FAT1: variants seen among roughly 807,000 people sequenced by gnomAD.
FAT1 encodes protocadherin Fat 1.
FAT1 carries 171 observed loss-of-function variants against 329.8 expected under a neutral mutation model. The ratio of observed to expected loss-of-function variants is 0.52; its 90% CI spans 0.46 to 0.59. The LOEUF is 0.59. Among genes scored for constraint, FAT1 ranks in the 20% least tolerant of loss-of-function variants. The pLI, the probability that FAT1 is intolerant of heterozygous loss-of-function variation, is 0.00. For synonymous variants in FAT1, 2,233 were observed against 2,228.6 expected (o/e 1.00, Z -0.06); for missense variants, 5,672 against 5,774.4 (o/e 0.98, Z 0.57).
intron 2 of FAT1, among the ~76,000 whole-genome samples, chr4:186,696,599 A>G (rs1470550948): frequency 6.6e-6 from 1 of 152,244 alleles, no homozygotes; most frequent in African/African-American, 2.4e-5. Flanking sequence ...TAAAGAGGCA[A>G]GTAAAAAAAT....
intron 2 of FAT1, among the ~76,000 whole-genome samples, chr4:186,701,059 C>G (rs553703978): frequency 1.2e-4 from 19 of 152,342 alleles, no homozygotes; most frequent in African/African-American, 3.8e-4. Flanking sequence ...CCCCCGAGTT[C>G]CCATCCACAG....
In FAT1 at chr4:186,606,217, T is replaced by A. The variant is rs773762406; in HGVS notation, c.10207-4A>T. ...CCGTGAGCGTGTAACCTGAAATCTT[T>A]TCAGGCAAAAGACAGAATGCACGTT... On this transcript the variant is annotated splice_region_variant and splice_polypyrimidine_tract_variant and intron_variant, in intron 16 of 26. Coordinates refer to ENST00000441802, the MANE Select transcript of FAT1 (RefSeq NM_005245.4). 8 of 1,612,780 alleles carry A rather than the reference T, an allele frequency of 5.0e-6. No individual in the cohort carries two copies. The highest frequency in any genetic ancestry group is 6.8e-6 in the Non-Finnish European group (8 of 1,179,614).
rs1263340609 is a variant in FAT1, at chr4:186,620,278, A to G, written c.6308T>C (p.Val2103Ala). 6.2e-7 allele frequency: 1 copy of G among 1,614,032 alleles called. No homozygotes were observed. Among genetic ancestry groups the G allele is most frequent in the East Asian group, 2.2e-5 (1 of 44,880 alleles). Residue 2103 changes from valine (V) to alanine (A), a missense_variant, in exon 10 of 27, where the codon GTC (valine) becomes GCC (alanine). Transcript: ENST00000441802. ...DTEVGHVIRYVTAVDRDSGRN... is the reference protein window; with the variant it reads ...DTEVGHVIRYATAVDRDSGRN... ...GCCACTGTCTCTGTCTACAGCAGTGACATAGCGAATGACATGGCCCACCTC... is the reference window on the plus strand; with the variant it reads ...GCCACTGTCTCTGTCTACAGCAGTGGCATAGCGAATGACATGGCCCACCTC...
chr4:186,617,856 A>G lies in FAT1; in HGVS notation c.8730T>C (p.Asp2910=). 3 of 1,613,952 alleles carry G rather than the reference A, an allele frequency of 1.9e-6. No homozygotes were observed. The highest frequency in any genetic ancestry group is 1.1e-5 in the South Asian group (1 of 91,074). Residue 2910 remains aspartate (D), a synonymous_variant, in exon 10 of 27, where the codon GAT becomes GAC. Transcript: ENST00000441802. ...STAIVDVTVT[D]VNDSPPRFTA... ...TGAATCGTGGTGGACTATCGTTGACATCGGTGACGGTAACATCCACAATGG... is the reference window on the plus strand; with the variant it reads ...TGAATCGTGGTGGACTATCGTTGACGTCGGTGACGGTAACATCCACAATGG...
chr4:186,629,366 T>C (rs1410388034), intron 7 of FAT1, among the ~76,000 whole-genome samples: 1 of 152,166 alleles, frequency 6.6e-6, no homozygotes, highest in African/African-American at 2.4e-5. Flanking sequence ...ATTTAGTCAA[T>C]AGATTGAAAA....
chr4:186,615,986 C>T (rs139912217), intron 11 of FAT1, among the ~76,000 whole-genome samples: 1 of 152,174 alleles, frequency 6.6e-6, no homozygotes, highest in African/African-American at 2.4e-5. Context: ...TCAGACTCCT[C>T]TTTGCCACGG....
rs1744707563 is a variant in FAT1 at position 186,707,754 on chromosome 4, T to C, written c.2074A>G (p.Lys692Glu). 1 of 1,613,610 alleles carries C rather than the reference T, an allele frequency of 6.2e-7. No homozygotes were observed. Among genetic ancestry groups the C allele is most frequent in the African/African-American group, 1.3e-5 (1 of 74,900 alleles). ...TCCACCTCTCCCTGGTTGTGTAATT[T>C]ATTTGCCTGCAGGAGCTTCTCTGCC... ...MLAEKLLQAN[K>E]LHNQGEVEDI... The change falls in exon 2 of 27, where the codon AAA becomes GAA. Residue 692 changes from lysine (K) to glutamate (E), a missense_variant. Lys to Glu is a moderately conservative substitution (Grantham distance 56). Coordinates refer to ENST00000441802, the MANE Select transcript of FAT1 (RefSeq NM_005245.4).
Position 186,609,277 on chromosome 4 carries a change from T to C in FAT1, c.10112A>G (p.His3371Arg), listed in dbSNP as rs1478513899. 1.2e-6 allele frequency: 2 copies of C among 1,613,922 alleles called. No homozygotes were observed. Among genetic ancestry groups the C allele is most frequent in the African/African-American group, 1.3e-5 (1 of 74,938 alleles). Residue 3371 changes from histidine (H) to arginine (R), a missense_variant, in exon 16 of 27, where the codon CAC becomes CGC. Physicochemically the swap from His to Arg is conservative, Grantham distance 29 (BLOSUM62 0). Around this residue, in one of 2 missense-constraint regions of FAT1, gnomAD observed 1,706 missense variants for 1,859.1 expected, o/e 0.92. Transcript: ENST00000441802. Reference sequence around the variant, plus strand: ...TTGGTTGCCATCTATAATTGAGTAGTGGATGTGGCTGTTGGAAGGTCCATC... The same window carrying C: ...TTGGTTGCCATCTATAATTGAGTAGCGGATGTGGCTGTTGGAAGGTCCATC... ...DADGPSNSHI[H>R]YSIIDGNQGS...
chr4:186,628,430 T>C, intron 8 of FAT1, 58 bp downstream of exon 8: 3 of 1,610,678 alleles, frequency 1.9e-6, no homozygotes, highest in Non-Finnish European at 2.5e-6. Context: ...AAAATCACGC[T>C]CGAACACACA....
chr4:186,649,968 T>C (rs1158089943), intron 3 of FAT1, among the ~76,000 whole-genome samples: 1 of 152,234 alleles, frequency 6.6e-6, no homozygotes, highest in East Asian at 1.9e-4. Flanking sequence ...TGGTGAACAA[T>C]TCCATTATTC....
chr4:186,669,063 C>T (rs937751029), intron 2 of FAT1, among the ~76,000 whole-genome samples: 1 of 152,156 alleles, frequency 6.6e-6, no homozygotes, highest in African/African-American at 2.4e-5. Flanking sequence ...ACGACCTCAC[C>T]TTTTTGGGCA....
chr4:186,623,561 G>A (rs773547894), intron 9 of FAT1, among the ~76,000 whole-genome samples: 2 of 152,110 alleles, frequency 1.3e-5, no homozygotes, highest in Non-Finnish European at 2.9e-5. Flanking sequence ...TTATCTTGCC[G>A]ATGAAGCTTC....
chr4:186,664,762 C>T (rs961300506), intron 2 of FAT1, among the ~76,000 whole-genome samples: 1 of 152,142 alleles, frequency 6.6e-6, no homozygotes, highest in African/African-American at 2.4e-5. Context: ...ATTGATCACT[C>T]GGGACTAAAG....
At chr4:186,696,119 T>C (rs970230006) in intron 2 of FAT1, among the ~76,000 whole-genome samples, 134 of 152,304 alleles carry the variant, frequency 8.8e-4, no homozygotes, top group African/African-American at 3.2e-3. Context: ...ATTTTAAAAA[T>C]TACTGACCTT....
Position 186,617,211 on chromosome 4 carries a change from C to G in FAT1, c.8879-10G>C. The stretch of plus-strand genomic sequence containing the variant: ...CCTAAAGGATCCCCTCCTATTAAAT[C>G]AATGGAGGAAGATAATAATCAAATT... On this transcript the variant is annotated splice_polypyrimidine_tract_variant and intron_variant, in intron 10 of 26. Transcript: ENST00000441802. 1 of 1,525,862 alleles carries G rather than the reference C, an allele frequency of 6.6e-7. No homozygotes were observed. The highest frequency in any genetic ancestry group is 8.9e-7 in the Non-Finnish European group (1 of 1,127,370). 94.5% of individuals were successfully genotyped at this position (1,525,862 alleles called of 1,614,324 possible).
intron 1 of FAT1, among the ~76,000 whole-genome samples, chr4:186,710,648 T>C (rs1744905400): frequency 6.6e-6 from 1 of 152,192 alleles, no homozygotes; most frequent in African/African-American, 2.4e-5. Flanking sequence ...TATCAATGTT[T>C]TATCACCACT....
chr4:186,707,147 T>C lies in FAT1; in HGVS notation c.2681A>G (p.Lys894Arg), dbSNP rs768532632. 37 of 1,613,810 alleles carry C rather than the reference T, an allele frequency of 2.3e-5. No homozygotes were observed. Among genetic ancestry groups the C allele is most frequent in the Non-Finnish European group, 3.1e-5 (36 of 1,179,892 alleles). The part of the protein sequence containing the change: ...DRELQHEHSL[K>R]IEARDQAREE... ...TCTGGCTTGGTCCCTGGCCTCAATCTTTAAGGAGTGCTCATGCTGCAGCTC... is the reference window on the plus strand; with the variant it reads ...TCTGGCTTGGTCCCTGGCCTCAATCCTTAAGGAGTGCTCATGCTGCAGCTC... The change falls in exon 2 of 27, where the codon AAG becomes AGG. Residue 894 changes from lysine to arginine, a missense_variant. Lys to Arg is a conservative substitution (Grantham distance 26). This residue lies in a region of FAT1 where 3,966 missense variants were observed against 3,915.2 expected (regional missense o/e 1.01). Coordinates refer to ENST00000441802, the MANE Select transcript of FAT1 (RefSeq NM_005245.4).
At chr4:186,612,999 C>T (rs1359235512) in intron 13 of FAT1, 110 bp downstream of exon 13, 3 of 659,622 alleles carry the variant, frequency 4.5e-6, no homozygotes, top group Non-Finnish European at 5.3e-6. Context: ...GGCTATGGAA[C>T]ATGCATGAGG....
At chr4:186,623,080 T>A (rs113546331) in intron 9 of FAT1, among the ~76,000 whole-genome samples, 20 of 152,338 alleles carry the variant, frequency 1.3e-4, no homozygotes, top group African/African-American at 4.3e-4. Context: ...TCCACGGCCA[T>A]TTTTTAGAGA....
Sources: gnomAD v4.1 joint callset for allele counts (sites outside exome capture counted in the v4.1 genomes callset) on GRCh38, gnomAD v4.1.1 for gene constraint, gnomAD v4.1.1 regional missense constraint, MANE v1.5 for transcripts, NCBI Gene and HGNC (gene_info 2026-07-23, HGNC 2026-07-21) for gene names.